CA3: variants seen among roughly 807,000 people sequenced by gnomAD.
The protein encoded by CA3 is carbonic anhydrase 3, also known as CA-III.
A neutral mutation model predicts 35.7 loss-of-function variants in CA3; 30 were observed. The observed-to-expected ratio is 0.84, with a 90% CI of 0.63 to 1.14. The LOEUF (loss-of-function observed/expected upper bound fraction) is 1.14, where lower values mean the gene tolerates loss of function less well. CA3 is among the 50% of genes most tolerant of loss of function. CA3 has a pLI of 0.00. For missense variants in CA3, 295 were observed against 328.5 expected, an observed-to-expected ratio of 0.90 and a Z score of 0.79; for synonymous variants, 131 against 130.8, an observed-to-expected ratio of 1.00 and a Z score of -0.01.
At chr8:85,444,273 A>C (rs1811247573) in intron 4 of CA3, 147 bp downstream of exon 4, 1 of 626,432 alleles carries the variant, frequency 1.6e-6, no homozygotes, top group East Asian at 2.8e-5. Flanking sequence ...TATTTCTGCA[A>C]AGATCAGCTC....
intron 2 of CA3, among the ~76,000 whole-genome samples, chr8:85,440,381 G>A (rs1811191104): frequency 6.6e-6 from 1 of 152,138 alleles, no homozygotes; most frequent in African/African-American, 2.4e-5. Flanking sequence ...CCAATCTAGG[G>A]GAGAGAACAG....
chr8:85,443,311 A>G (rs746245957), intron 3 of CA3, among the ~76,000 whole-genome samples: 92 of 152,338 alleles, frequency 6.0e-4, no homozygotes, highest in Middle Eastern at 3.4e-3. Flanking sequence ...AGTGGTGGCA[A>G]TTGCCTTGGA....
chr8:85,445,558 T>C (rs1811276728), intron 5 of CA3, among the ~76,000 whole-genome samples: 1 of 151,580 alleles, frequency 6.6e-6, no homozygotes, highest in African/African-American at 2.4e-5. Flanking sequence ...CATATATGCA[T>C]GCATACCATC....
At chr8:85,447,908 C>A in intron 6 of CA3, 126 bp from the exon 7 acceptor site, 1 of 894,792 alleles carries the variant, frequency 1.1e-6, no homozygotes, top group South Asian at 2.1e-5. Flanking sequence ...CAAAAACAAA[C>A]AAACAAACAA....
chr8:85,439,617 GTC>G, intron 1 of CA3, 93 bp from the exon 2 acceptor site: 2 of 818,730 alleles, frequency 2.4e-6, no homozygotes, highest in Non-Finnish European at 3.9e-6. Context: ...TGAAATCACT[GTC>G]TAGCCTCTCT....
intron 2 of CA3, among the ~76,000 whole-genome samples, chr8:85,440,784 C>T (rs1288105960): frequency 1.3e-5 from 2 of 152,248 alleles, no homozygotes; most frequent in Non-Finnish European, 2.9e-5. Flanking sequence ...TTCATAATTC[C>T]TACCTACCAG....
chr8:85,446,212 A>G lies in CA3; in HGVS notation c.578A>G (p.Tyr193Cys), dbSNP rs762004144. 6.2e-7 allele frequency: 1 copy of G among 1,614,118 alleles called. No individual in the cohort carries two copies. Among genetic ancestry groups the G allele is most frequent in the Non-Finnish European group, 8.5e-7 (1 of 1,179,986 alleles). The change falls in exon 6 of 7, where the codon TAC (tyrosine) becomes TGC (cysteine). Residue 193 changes from tyrosine (Y) to cysteine (C), a missense_variant. Coordinates refer to ENST00000285381, the MANE Select transcript of CA3 (RefSeq NM_005181.4). Reference protein sequence around the residue: ...LFPACRDYWTYQGSFTTPPCE... With the variant: ...LFPACRDYWTCQGSFTTPPCE... ...CCGGCATGCCGGGACTACTGGACCT[A>G]CCAGGGCTCATTCACCACGCCGCCC...
chr8:85,439,021 A>G (rs971492026), intron 1 of CA3, 78 bp downstream of exon 1: 4 of 1,366,590 alleles, frequency 2.9e-6, no homozygotes, highest in East Asian at 2.5e-5. Context: ...GAAATGGGCA[A>G]CTTTAGAGAC....
chr8:85,448,408 TA>T lies in CA3; in HGVS notation c.*258del, dbSNP rs1811323438. The T allele has an allele frequency of 1.1e-5, 3 of 264,386 alleles. No individual in the cohort carries two copies. Among genetic ancestry groups the T allele is most frequent in the Non-Finnish European group, 2.1e-5 (3 of 142,626 alleles). The allele number at this position is 264,386 out of a possible 1,614,324, so 16.4% of individuals were successfully genotyped here. On this transcript the variant is annotated 3_prime_UTR_variant, in exon 7 of 7. Transcript: ENST00000285381. Reference sequence around the variant, plus strand: ...TTTCCTATAAAAGTAGCATTTTTGGTAAAGTTTCAAAGAAGAAGAAACAGAG... The same window carrying T: ...TTTCCTATAAAAGTAGCATTTTTGGTAAGTTTCAAAGAAGAAGAAACAGAG...
intron 3 of CA3, chr8:85,442,434 C>T (rs1259426135): frequency 1.9e-5 from 8 of 412,564 alleles, no homozygotes; most frequent in Admixed American, 3.6e-5. Context: ...GAAACTGGGG[C>T]GAGTGCAGTG....
At position 85,446,294 on chromosome 8, in the gene CA3, C is replaced by A. The variant is rs1158067810; in HGVS notation, c.660C>A (p.Asp220Glu). 7 of 1,612,238 alleles carry A rather than the reference C, an allele frequency of 4.3e-6. No individual in the cohort carries two copies. The highest frequency in any genetic ancestry group is 5.9e-6 in the Non-Finnish European group (7 of 1,178,688). ...AGGAGCCCATGACCGTGAGCTCTGA[C>A]CAGGTGAGCAGCCTTGTGAACACGT... ...LLKEPMTVSSDQMAKLRSLLS... is the reference protein window; with the variant it reads ...LLKEPMTVSSEQMAKLRSLLS... The change falls in exon 6 of 7, where the codon GAC becomes GAA. Residue 220 changes from aspartate (D) to glutamate (E), a missense_variant. By Grantham distance (45) the Asp-to-Glu change is conservative (BLOSUM62 2). Transcript: ENST00000285381.
rs371183624 is a variant in CA3, at chr8:85,438,886, C to T, written c.-24C>T. ...ACGCAGGGGAAGAGAAAGCAGGAGC[C>T]GTCCAGCACGGAGGAAGGCGACCAT... On this transcript the variant is annotated 5_prime_UTR_variant, in exon 1 of 7. Transcript: ENST00000285381. The T allele has an allele frequency of 3.7e-5, 58 of 1,550,698 alleles. No individual in the cohort carries two copies. The highest frequency in any genetic ancestry group is 5.0e-5 in the Non-Finnish European group (57 of 1,146,942).
chr8:85,447,271 A>G (rs1046231567), intron 6 of CA3, among the ~76,000 whole-genome samples: 1 of 152,142 alleles, frequency 6.6e-6, no homozygotes, highest in Non-Finnish European at 1.5e-5. Flanking sequence ...AAAATTGAAA[A>G]TGTAGCATGA....
rs1404397422 is a variant in CA3, at chr8:85,446,219, C to T, written c.585C>T (p.Gly195=). The change falls in exon 6 of 7, where the codon GGC becomes GGT. Residue 195 remains glycine (G), a synonymous_variant. Coordinates refer to ENST00000285381, the MANE Select transcript of CA3 (RefSeq NM_005181.4). The stretch of plus-strand genomic sequence containing the variant: ...GCCGGGACTACTGGACCTACCAGGG[C>T]TCATTCACCACGCCGCCCTGCGAGG... ...PACRDYWTYQ[G]SFTTPPCEEC... is the part of the protein sequence containing the mutation. 3 of 1,614,158 alleles carry T rather than the reference C, an allele frequency of 1.9e-6. No homozygotes were observed. The highest frequency in any genetic ancestry group is 4.5e-5 in the East Asian group (2 of 44,878).
intron 3 of CA3, among the ~76,000 whole-genome samples, chr8:85,442,749 G>C (rs931322251): frequency 1.3e-5 from 2 of 152,054 alleles, no homozygotes; most frequent in Non-Finnish European, 2.9e-5. Flanking sequence ...AAATTGGATA[G>C]CTACTTAATA....
intron 2 of CA3, among the ~76,000 whole-genome samples, chr8:85,441,133 T>C (rs1811201805): frequency 6.6e-6 from 1 of 152,220 alleles, no homozygotes; most frequent in African/African-American, 2.4e-5. Flanking sequence ...TTGAGGTCTA[T>C]ATTTATGGCT....
At chr8:85,446,411 C>A in intron 6 of CA3, 114 bp downstream of exon 6, 1 of 1,196,986 alleles carries the variant, frequency 8.4e-7, no homozygotes, top group Non-Finnish European at 1.1e-6. Flanking sequence ...AGCTCTATGG[C>A]CAGTAATTTC....
intron 4 of CA3, 53 bp from the exon 5 acceptor site, chr8:85,445,103 C>A: frequency 1.6e-6 from 2 of 1,231,110 alleles, no homozygotes; most frequent in Admixed American, 2.0e-5. Context: ...TGAAGACAAT[C>A]CTAAACTATG....
chr8:85,447,793 G>A (rs550231211), intron 6 of CA3, among the ~76,000 whole-genome samples: 4 of 152,144 alleles, frequency 2.6e-5, no homozygotes, highest in Non-Finnish European at 5.9e-5. Flanking sequence ...CAGCTATTCG[G>A]GAGGCTGAGG....
Sources: allele counts gnomAD v4.1 joint callset (sites outside exome capture counted in the v4.1 genomes callset), GRCh38; gene constraint gnomAD v4.1.1; transcripts MANE v1.5; gene names NCBI Gene and HGNC (gene_info 2026-07-23, HGNC 2026-07-21).